ANO5: variants seen among roughly 807,000 people sequenced by gnomAD.
The protein encoded by ANO5 is anoctamin 5, also known as anoctamin-5.
In ANO5, 109 loss-of-function variants were observed where a neutral mutation model predicts 121.0. The ratio of observed to expected loss-of-function variants is 0.90; its 90% CI spans 0.77 to 1.06. ANO5 has a LOEUF of 1.06. Ranked by LOEUF, ANO5 falls within the 50% of genes least tolerant of loss-of-function variation. The probability of loss-of-function intolerance (pLI) is 0.00; values close to 1 mark genes in which losing one functional copy is unlikely to be tolerated. For synonymous variants in ANO5, 406 were observed against 359.9 expected (o/e 1.13, Z -1.45); for missense variants, 1,064 against 1,078.5 (o/e 0.99, Z 0.19).
At chr11:22,259,843 C>T (rs1854135105) in intron 15 of ANO5, 102 bp downstream of exon 15, 2 of 1,176,856 alleles carry the variant, frequency 1.7e-6, no homozygotes, top group Non-Finnish European at 2.4e-6. Context: ...TCAAAGGACA[C>T]ATTTTAAGGC....
intron 1 of ANO5, among the ~76,000 whole-genome samples, chr11:22,194,990 G>C (rs926181844): frequency 2.0e-5 from 3 of 152,102 alleles, no homozygotes; most frequent in African/African-American, 7.2e-5. Flanking sequence ...GCTTTATATT[G>C]AACATTTTAA....
intron 7 of ANO5, among the ~76,000 whole-genome samples, chr11:22,232,322 G>C (rs867844581): frequency 2.7e-4 from 41 of 151,906 alleles, no homozygotes; most frequent in African/African-American, 8.4e-4. Context: ...ATCTAGATAC[G>C]CAATTTTGTG....
intron 17 of ANO5, among the ~76,000 whole-genome samples, chr11:22,268,346 T>C (rs2133768927): frequency 6.6e-6 from 1 of 152,228 alleles, no homozygotes; most frequent in African/African-American, 2.4e-5. Context: ...TTCTAATAAA[T>C]ATTTTAAACT....
intron 3 of ANO5, among the ~76,000 whole-genome samples, chr11:22,216,391 T>A (rs1243846339): frequency 6.6e-6 from 1 of 151,940 alleles, no homozygotes; most frequent in Non-Finnish European, 1.5e-5. Flanking sequence ...TTTCAGTAAT[T>A]CTAGTGGATA....
intron 17 of ANO5, among the ~76,000 whole-genome samples, chr11:22,264,135 T>C (rs1854285257): frequency 6.6e-6 from 1 of 150,698 alleles, no homozygotes; most frequent in African/African-American, 2.4e-5. Context: ...GCAATTTTCC[T>C]GCTTCAGTCT....
intron 1 of ANO5, among the ~76,000 whole-genome samples, chr11:22,195,019 T>C (rs1187588048): frequency 6.6e-6 from 1 of 152,218 alleles, no homozygotes; most frequent in Non-Finnish European, 1.5e-5. Context: ...CAAACTGTTT[T>C]CCAGGCATCT....
Position 22,218,281 on chromosome 11 carries a change from G to C in ANO5, c.174G>C (p.Arg58=). The change falls in exon 4 of 22, where the codon CGG becomes CGC. Residue 58 remains arginine (R), a synonymous_variant. Coordinates refer to ENST00000324559, the MANE Select transcript of ANO5 (RefSeq NM_213599.3). The part of the protein sequence containing the change: ...AKRFNLFLRR[R]LMFQKNQQSK... ...GATTCAATTTGTTCCTGAGGCGGCG[G>C]CTTATGGTAAAACCAGTGCTGAATG... is the stretch of plus-strand genomic sequence containing the variant. 6.2e-7 allele frequency: 1 copy of C among 1,613,340 alleles called. No homozygotes were observed. The highest frequency in any genetic ancestry group is 8.5e-7 in the Non-Finnish European group (1 of 1,179,660).
intron 2 of ANO5, among the ~76,000 whole-genome samples, chr11:22,208,126 C>A (rs1032722211): frequency 6.6e-6 from 1 of 152,012 alleles, no homozygotes; most frequent in Non-Finnish European, 1.5e-5. Context: ...TGGGCAGTTT[C>A]TTAAAAATCT....
chr11:22,266,127 T>A (rs1236384682), intron 17 of ANO5, among the ~76,000 whole-genome samples: 2 of 152,166 alleles, frequency 1.3e-5, no homozygotes, highest in Non-Finnish European at 2.9e-5. Context: ...TAGACAAAAC[T>A]ATTTTTTAAA....
At chr11:22,243,818 A>G (rs979763243) in intron 9 of ANO5, among the ~76,000 whole-genome samples, 14 of 152,146 alleles carry the variant, frequency 9.2e-5, no homozygotes, top group Admixed American at 2.0e-4. Flanking sequence ...CTTTGTTAAT[A>G]TAGCTAGGGT....
intron 3 of ANO5, among the ~76,000 whole-genome samples, chr11:22,215,966 A>T (rs551464004): frequency 2.0e-5 from 3 of 151,856 alleles, no homozygotes; most frequent in Non-Finnish European, 2.9e-5. Context: ...AAAACTCCAA[A>T]TATTACTAAT....
At chr11:22,229,872 TC>T (rs1313802896) in intron 7 of ANO5, among the ~76,000 whole-genome samples, 1 of 151,940 alleles carries the variant, frequency 6.6e-6, no homozygotes, top group Non-Finnish European at 1.5e-5. Flanking sequence ...GTAGACAAAG[TC>T]CCTACCTTTT....
At chr11:22,208,384 A>G (rs1306358014) in intron 2 of ANO5, among the ~76,000 whole-genome samples, 1 of 152,050 alleles carries the variant, frequency 6.6e-6, no homozygotes, top group African/African-American at 2.4e-5. Context: ...CACAACTTGG[A>G]TAGATCTCCA....
intron 5 of ANO5, among the ~76,000 whole-genome samples, chr11:22,222,947 G>C (rs797001825): frequency 3.2e-4 from 49 of 152,054 alleles, no homozygotes; most frequent in African/African-American, 1.2e-3. Flanking sequence ...TTCAAGCTTA[G>C]CTGATCATAT....
At chr11:22,200,861 A>G (rs1363246801) in intron 1 of ANO5, among the ~76,000 whole-genome samples, 2 of 152,156 alleles carry the variant, frequency 1.3e-5, no homozygotes, top group Non-Finnish European at 2.9e-5. Context: ...TTGAATTATC[A>G]CCTAGAAGGA....
At position 22,259,885 on chromosome 11, in the gene ANO5, T is replaced by C. The variant is rs1854136124; in HGVS notation, c.1630+144T>C. ...TCTCTATAAATAGACCCATATCTGC[T>C]ATTTCAAAATTGCTCAAGAGCCACC... On this transcript the variant is annotated intron_variant, in intron 15 of 21. Coordinates refer to ENST00000324559, the MANE Select transcript of ANO5 (RefSeq NM_213599.3). 3.7e-6 allele frequency: 3 copies of C among 808,748 alleles called. No individual in the cohort carries two copies. The Admixed American group carries it at 6.3e-5, about 17-fold the overall frequency. The allele number at this position is 808,748 out of a possible 1,614,324, so 50.1% of individuals were successfully genotyped here.
At chr11:22,230,011 CAATATATAGTAAAT>C (rs1282448020) in intron 7 of ANO5, among the ~76,000 whole-genome samples, 1 of 151,924 alleles carries the variant, frequency 6.6e-6, no homozygotes, top group Non-Finnish European at 1.5e-5. Flanking sequence ...CTGAGCTTCA[CAATATATAGTAAAT>C]AATATATAAC....
At chr11:22,249,360 C>T (rs1218517896) in intron 9 of ANO5, among the ~76,000 whole-genome samples, 1 of 152,000 alleles carries the variant, frequency 6.6e-6, no homozygotes, top group African/African-American at 2.4e-5. Context: ...AGTACTTTCA[C>T]AGAATCATAT....
At chr11:22,196,530 G>A (rs117124073) in intron 1 of ANO5, among the ~76,000 whole-genome samples, 1 of 147,532 alleles carries the variant, frequency 6.8e-6, no homozygotes, top group Non-Finnish European at 1.5e-5. Context: ...GAACATTCCA[G>A]TGGATTTTTA....
Sources: allele counts gnomAD v4.1 joint callset (sites outside exome capture counted in the v4.1 genomes callset), GRCh38; gene constraint gnomAD v4.1.1; transcripts MANE v1.5; gene names NCBI Gene and HGNC (gene_info 2026-07-23, HGNC 2026-07-21).